Variants in CPXM2 observed in about 807,000 individuals in gnomAD.
CPXM2 encodes carboxypeptidase X, M14 family member 2, also known as inactive carboxypeptidase-like protein X2.
A neutral mutation model predicts 86.1 loss-of-function variants in CPXM2; 66 were observed. The ratio of observed to expected loss-of-function variants is 0.77; its 90% CI spans 0.63 to 0.94. CPXM2 has a LOEUF of 0.94. Among genes scored for constraint, CPXM2 ranks in the 40% least tolerant of loss-of-function variants. The pLI is 0.00. For synonymous variants in CPXM2, 388 were observed against 400.2 expected (o/e 0.97, Z 0.36); for missense variants, 948 against 1,026.3 (o/e 0.92, Z 1.04).
chr10:123,874,139 A>G (rs1316533855), intron 2 of CPXM2, among the ~76,000 whole-genome samples: 2 of 152,152 alleles, frequency 1.3e-5, no homozygotes, highest in Non-Finnish European at 2.9e-5. Flanking sequence ...CTGGGATTAC[A>G]GGAGTGAGCC....
At chr10:123,788,057 A>G (rs1020058734) in intron 6 of CPXM2, among the ~76,000 whole-genome samples, 1 of 151,954 alleles carries the variant, frequency 6.6e-6, no homozygotes, top group African/African-American at 2.4e-5. Context: ...AGGCGGGTGG[A>G]TCACCTGAGG....
intron 4 of CPXM2, among the ~76,000 whole-genome samples, chr10:123,807,839 C>T (rs1401135282): frequency 6.6e-6 from 1 of 152,186 alleles, no homozygotes; most frequent in Non-Finnish European, 1.5e-5. Context: ...AGTTTAAAAA[C>T]CATGGCACTG....
intron 2 of CPXM2, among the ~76,000 whole-genome samples, chr10:123,871,241 T>C (rs1244053942): frequency 6.6e-6 from 1 of 152,200 alleles, no homozygotes; most frequent in African/African-American, 2.4e-5. Flanking sequence ...ACTGTTACCA[T>C]GGTAGTTTAG....
At chr10:123,853,830 G>A (rs1358056561) in intron 3 of CPXM2, among the ~76,000 whole-genome samples, 1 of 152,110 alleles carries the variant, frequency 6.6e-6, no homozygotes, top group Non-Finnish European at 1.5e-5. Flanking sequence ...ACTTGAACCC[G>A]GGAGGTGGAG....
At chr10:123,798,392 G>C (rs1243486168) in intron 5 of CPXM2, among the ~76,000 whole-genome samples, 2 of 152,098 alleles carry the variant, frequency 1.3e-5, no homozygotes, top group African/African-American at 4.8e-5. Context: ...AGGACAACTA[G>C]AGAGCTTTGG....
chr10:123,794,236 C>T (rs1476752542), intron 6 of CPXM2, among the ~76,000 whole-genome samples: 2 of 152,110 alleles, frequency 1.3e-5, no homozygotes, highest in African/African-American at 4.8e-5. Flanking sequence ...CAGTGCTGTA[C>T]AAAGGGAGGA....
At chr10:123,921,866 T>G (rs1319695404) in intron 2 of CPXM2, among the ~76,000 whole-genome samples, 1 of 152,250 alleles carries the variant, frequency 6.6e-6, no homozygotes, top group Non-Finnish European at 1.5e-5. Context: ...ATCCCTGGTT[T>G]ACAACTCTTT....
intron 11 of CPXM2, among the ~76,000 whole-genome samples, chr10:123,758,558 T>C (rs1195793755): frequency 3.9e-5 from 6 of 152,174 alleles, no homozygotes; most frequent in African/African-American, 1.4e-4. Flanking sequence ...CCAAAACTCA[T>C]TTTCCAAATA....
chr10:123,825,386 T>G (rs1461239068), intron 4 of CPXM2, among the ~76,000 whole-genome samples: 3 of 152,246 alleles, frequency 2.0e-5, no homozygotes, highest in African/African-American at 7.2e-5. Flanking sequence ...CTCAGCTGAA[T>G]GCAGCAGGCC....
intron 11 of CPXM2, among the ~76,000 whole-genome samples, chr10:123,760,374 A>AT (rs988802688): frequency 1.3e-4 from 20 of 151,746 alleles, no homozygotes; most frequent in South Asian, 2.1e-4. Context: ...AGAGATTTGC[A>AT]TTTTTTTTTA....
intron 10 of CPXM2, among the ~76,000 whole-genome samples, chr10:123,763,644 T>C (rs1201324771): frequency 6.6e-6 from 1 of 152,128 alleles, no homozygotes; most frequent in Non-Finnish European, 1.5e-5. Flanking sequence ...GTTCCCAGAT[T>C]CATCCTATTG....
chr10:123,907,482 A>G (rs80309103), intron 2 of CPXM2, among the ~76,000 whole-genome samples: 11,537 of 152,176 alleles, frequency 0.076, 531 homozygotes, highest in East Asian at 0.19. Context: ...CTCCCGCAGC[A>G]CAGGGAGGAT....
chr10:123,890,436 CA>C (rs750419949), intron 1 of CPXM2, among the ~76,000 whole-genome samples: 52 of 152,220 alleles, frequency 3.4e-4, no homozygotes, highest in Admixed American at 1.4e-3. Flanking sequence ...TTTAACCAAA[CA>C]AAGACGATGC....
At chr10:123,842,741 G>A (rs1404497930) in intron 3 of CPXM2, among the ~76,000 whole-genome samples, 1 of 152,168 alleles carries the variant, frequency 6.6e-6, no homozygotes, top group Non-Finnish European at 1.5e-5. Context: ...GAAATTTAAT[G>A]AGTACTCCTA....
intron 6 of CPXM2, among the ~76,000 whole-genome samples, chr10:123,797,482 C>G (rs552339720): frequency 6.6e-6 from 1 of 152,194 alleles, no homozygotes; most frequent in Non-Finnish European, 1.5e-5. Flanking sequence ...GAAATGTTTA[C>G]TCATTTTCTT....
At chr10:123,829,649 G>T (rs1848123576) in intron 4 of CPXM2, among the ~76,000 whole-genome samples, 1 of 152,094 alleles carries the variant, frequency 6.6e-6, no homozygotes, top group South Asian at 2.1e-4. Context: ...AATTTTTCAT[G>T]GAGATAATTT....
intron 2 of CPXM2, among the ~76,000 whole-genome samples, chr10:123,907,189 C>G (rs914058297): frequency 1.3e-5 from 2 of 152,178 alleles, no homozygotes; most frequent in Admixed American, 6.5e-5. Context: ...GCTCCTGCTG[C>G]CAACACGATT....
chr10:123,873,862 T>C (rs1161477827), intron 2 of CPXM2, among the ~76,000 whole-genome samples: 18 of 146,804 alleles, frequency 1.2e-4, no homozygotes, highest in Non-Finnish European at 1.8e-4. Context: ...ATTTCTTTTT[T>C]TTTTTTTTTT....
rs781652686 is a variant in CPXM2 at position 123,891,351 on chromosome 10, C to T, written c.304+5G>A. 6.5e-7 allele frequency: 1 copy of T among 1,535,882 alleles called. No homozygotes were observed. The highest frequency in any genetic ancestry group is 8.8e-7 in the Non-Finnish European group (1 of 1,142,848). ...TCGGGCTGCCCAGCGCAGAAAGTTC[C>T]TTACCTGGTGGAGGCGGCTCCGGAG... On this transcript the variant is annotated splice_donor_5th_base_variant and intron_variant, in intron 1 of 13. Coordinates refer to ENST00000241305, the MANE Select transcript of CPXM2 (RefSeq NM_198148.3). The surrounding 1 kb of genome is among the most constrained non-coding windows in gnomAD (Gnocchi z 5.6).
Sources: allele counts gnomAD v4.1 joint callset (sites outside exome capture counted in the v4.1 genomes callset), GRCh38; gene constraint gnomAD v4.1.1; non-coding constraint Gnocchi (gnomAD v3.1); transcripts MANE v1.5; gene names NCBI Gene and HGNC (gene_info 2026-07-23, HGNC 2026-07-21).